The following AANAT variants were observed in gnomAD, a reference collection of about 807,000 sequenced individuals.
AANAT encodes serotonin N-acetyltransferase.
AANAT carries 11 observed loss-of-function variants against 15.6 expected under a neutral mutation model. The ratio of observed to expected loss-of-function variants is 0.71; its 90% confidence interval spans 0.44 to 1.17. The LOEUF is 1.17. Among genes scored for constraint, AANAT ranks in the 50% most tolerant of loss-of-function variants. AANAT has a pLI of 0.00. For missense variants in AANAT, 286 were observed against 296.3 expected (o/e 0.97, Z 0.26); for synonymous variants, 139 against 131.5 (o/e 1.06, Z -0.39).
At chr17:76,467,565 G>A (rs1049264833), upstream of AANAT, 2 of 985,386 alleles carry the variant, frequency 2.0e-6, no homozygotes, top group Middle Eastern at 5.2e-4. Context: ...TGGGGTGGGG[G>A]GATTACAAAC....
upstream of AANAT, among the ~76,000 whole-genome samples, chr17:76,467,298 G>C (rs561826779): frequency 4.2e-4 from 64 of 152,260 alleles, no homozygotes; most frequent in East Asian, 0.012. Context: ...CCCCACATAA[G>C]AGGTGGGCTT....
chr17:76,465,745 A>G (rs970617118), upstream of AANAT: 3 of 234,646 alleles, frequency 1.3e-5, no homozygotes, highest in Non-Finnish European at 2.6e-5. Context: ...GACCAGGACA[A>G]AGGTCCCAGC....
In AANAT at chr17:76,468,707, T is replaced by A; in HGVS notation, c.-40T>A. On this transcript the variant is annotated 5_prime_UTR_variant, in exon 2 of 4. Coordinates refer to ENST00000392492, the MANE Select transcript of AANAT (RefSeq NM_001088.3). Reference sequence around the variant, plus strand: ...GCCCTCCTTGGCTTAGGAGGACACTTCCAAAGCTGGGGCGCCCCAAGGAGG... The same window carrying A: ...GCCCTCCTTGGCTTAGGAGGACACTACCAAAGCTGGGGCGCCCCAAGGAGG... The A allele has an allele frequency of 6.3e-7, 1 of 1,584,758 alleles. No individual in the cohort carries two copies. Among genetic ancestry groups the A allele is most frequent in the Non-Finnish European group, 8.6e-7 (1 of 1,167,960 alleles).
In AANAT at chr17:76,470,029, G is replaced by C. The variant is rs1044900227; in HGVS notation, c.*59G>C. 2 of 1,413,752 alleles carry C rather than the reference G, an allele frequency of 1.4e-6. No individual in the cohort carries two copies. Among genetic ancestry groups the C allele is most frequent in the Non-Finnish European group, 1.9e-6 (2 of 1,072,156 alleles). 87.6% of individuals were successfully genotyped at this position (1,413,752 alleles called of 1,614,324 possible). A position where few individuals can be genotyped will look rare whatever the true frequency, so the allele number is the denominator to read the frequency against. On this transcript the variant is annotated 3_prime_UTR_variant, in exon 4 of 4. Transcript: ENST00000392492. ...CCGTCTCTGCCCTGGGCTCCTCTTA[G>C]CTCAGCTGAGCATGGAGACAGCAGT... is the stretch of plus-strand genomic sequence containing the variant.
intron 2 of AANAT, among the ~76,000 whole-genome samples, chr17:76,461,604 C>G (rs952320314): frequency 8.1e-5 from 6 of 74,144 alleles, no homozygotes; most frequent in Non-Finnish European, 1.5e-4. Context: ...TGAGCCTCCA[C>G]CAAAAAAAAA....
upstream of AANAT, chr17:76,467,485 C>T (rs913254989): frequency 4.2e-6 from 4 of 960,154 alleles, no homozygotes; most frequent in South Asian, 1.4e-4. Context: ...TGACGTTTCC[C>T]TTCAGCAAGG....
In AANAT at chr17:76,460,130, A is replaced by ATTTTTTTTTTTTT. The variant is rs556197358; in HGVS notation, c.-456+788_-456+800dup. On this transcript the variant is annotated intron_variant, in intron 2 of 6. Coordinates refer to the AANAT transcript ENST00000250615. Reference sequence around the variant, plus strand: ...CAGCCTCAGTCACCTACTTCAGGAAATTTTTTTTTTTTTTTTTTTTTTTTT... The same window carrying ATTTTTTTTTTTTT: ...CAGCCTCAGTCACCTACTTCAGGAAATTTTTTTTTTTTTTTTTTTTTTTTTTTTTTTTTTTTTT... 3.2e-4 allele frequency among the ~76,000 whole-genome samples: 28 copies of ATTTTTTTTTTTTT among 88,010 alleles called. 4 individuals are homozygous for ATTTTTTTTTTTTT. Among genetic ancestry groups the ATTTTTTTTTTTTT allele is most frequent in the East Asian group, 8.8e-4 (2 of 2,274 alleles). 57.7% of individuals were successfully genotyped at this position (88,010 alleles called of 152,430 possible).
upstream of AANAT, among the ~76,000 whole-genome samples, chr17:76,467,150 G>A (rs1349627856): frequency 2.6e-5 from 4 of 152,158 alleles, no homozygotes; most frequent in African/African-American, 4.8e-5. Flanking sequence ...GTCAATAGCA[G>A]AGAGCTTTGT....
At position 76,469,305 on chromosome 17, in the gene AANAT, G is replaced by A; in HGVS notation, c.296G>A (p.Trp99Ter). The A allele has an allele frequency of 1.9e-6, 3 of 1,614,024 alleles. No homozygotes were observed. The highest frequency in any genetic ancestry group is 2.5e-6 in the Non-Finnish European group (3 of 1,180,014). ...GTGGCCTTCATCATCGGCTCGCTCT[G>A]GGACAAGGAGAGACTCATGCAGGTG... ...CLVAFIIGSL[W>*]DKERLMQESL... The change falls in exon 3 of 4, where the codon TGG becomes TAG. Residue 99 changes from tryptophan (W) to a stop codon, truncating the protein, a stop_gained. Coordinates refer to ENST00000392492, the MANE Select transcript of AANAT (RefSeq NM_001088.3). LOFTEE classifies it high-confidence loss of function. The surrounding 1 kb of genome is among the most constrained non-coding windows in gnomAD (Gnocchi z 5.2).
At chr17:76,453,826 A>G (rs1176492610) in intron 1 of AANAT, 5 of 152,272 alleles carry the variant, frequency 3.3e-5, no homozygotes, top group Non-Finnish European at 7.3e-5. Flanking sequence ...CTACAAATCC[A>G]TGCAGATAAA....
rs558274515 is a variant in AANAT, at chr17:76,468,565, G to T, written c.-75-107G>T. The T allele has an allele frequency of 1.6e-5, 16 of 985,502 alleles. No individual in the cohort carries two copies. The East Asian group carries it at 4.2e-4, about 26-fold the overall frequency. 61.0% of individuals were successfully genotyped at this position (985,502 alleles called of 1,614,324 possible). A position where few individuals can be genotyped will look rare whatever the true frequency, so the allele number is the denominator to read the frequency against. ...GGGGAATGTGCCCATTGATTTAGGG[G>T]CTGTCTCCACCCCAGTTCCTGCTAC... On this transcript the variant is annotated intron_variant, in intron 1 of 3. Coordinates refer to ENST00000392492, the MANE Select transcript of AANAT (RefSeq NM_001088.3).
intron 2 of AANAT, among the ~76,000 whole-genome samples, chr17:76,461,697 G>A (rs367788678): frequency 6.6e-6 from 1 of 151,364 alleles, no homozygotes; most frequent in African/African-American, 2.4e-5. Context: ...CATCTCAGGT[G>A]TCTGAGAGGT....
upstream of AANAT, chr17:76,465,971 T>C (rs904998462): frequency 1.6e-5 from 9 of 579,970 alleles, no homozygotes; most frequent in Admixed American, 2.5e-5. Context: ...CGTCTCTGTC[T>C]CCCAAAGTGC....
upstream of AANAT, chr17:76,466,193 G>T (rs1598638983): frequency 6.5e-7 from 1 of 1,536,810 alleles, no homozygotes. Context: ...AGTCTATGAA[G>T]GGACAGAAGA....
chr17:76,455,126 C>CA (rs35450208), intron 1 of AANAT, among the ~76,000 whole-genome samples: 1 of 151,258 alleles, frequency 6.6e-6, no homozygotes, highest in East Asian at 1.9e-4. Context: ...GATTCCGTCT[C>CA]AAAAAAAAGT....
Position 76,469,885 on chromosome 17 carries a change from C to T in AANAT, c.539C>T (p.Ala180Val), listed in dbSNP as rs1391631161. 3.2e-6 allele frequency: 5 copies of T among 1,581,952 alleles called. No individual in the cohort carries two copies. The highest frequency in any genetic ancestry group is 3.4e-6 in the Non-Finnish European group (4 of 1,165,392). ...AGCTTCCACGCCGTGGGCCCCTGCGCCATCACCGTGGGCTCCCTCACCTTC... is the reference window on the plus strand; with the variant it reads ...AGCTTCCACGCCGTGGGCCCCTGCGTCATCACCGTGGGCTCCCTCACCTTC... ...RFSFHAVGPCAITVGSLTFME... is the reference protein window; with the variant it reads ...RFSFHAVGPCVITVGSLTFME... Residue 180 changes from alanine (A) to valine (V), a missense_variant, in exon 4 of 4, where the codon GCC (alanine) becomes GTC (valine). Coordinates refer to ENST00000392492, the MANE Select transcript of AANAT (RefSeq NM_001088.3). This position sits in a 1 kb window ranked among gnomAD's most constrained non-coding sequence, Gnocchi z 5.2.
chr17:76,465,065 G>A (rs2143972327), upstream of AANAT, among the ~76,000 whole-genome samples: 1 of 152,218 alleles, frequency 6.6e-6, no homozygotes. Flanking sequence ...CCAAAGTGCT[G>A]GGATTACAGG....
Position 76,469,445 on chromosome 17 carries a change from G to A in AANAT, c.318+118G>A. The A allele has an allele frequency of 7.0e-7, 1 of 1,421,268 alleles. No individual in the cohort carries two copies. Among genetic ancestry groups the A allele is most frequent in the South Asian group, 1.3e-5 (1 of 76,076 alleles). The allele number at this position is 1,421,268 out of a possible 1,614,324, so 88.0% of individuals were successfully genotyped here. ...TCTTCCTCCAGAACTGGAGAGATGA[G>A]TACAGGCCACAGGCCCCTCCCAGAG... On this transcript the variant is annotated intron_variant, in intron 3 of 3. Coordinates refer to ENST00000392492, the MANE Select transcript of AANAT (RefSeq NM_001088.3). The surrounding 1 kb of genome is among the most constrained non-coding windows in gnomAD (Gnocchi z 5.2).
rs1311307353 is a variant in AANAT, at chr17:76,469,961, C to T, written c.615C>T (p.Ser205=). Residue 205 remains serine (S), a synonymous_variant, in exon 4 of 4, where the codon AGC becomes AGT. Transcript: ENST00000392492. This position sits in a 1 kb window ranked among gnomAD's most constrained non-coding sequence, Gnocchi z 5.2. ...LRGHPFLRRN[S]GC ...GCCACCCCTTCCTGCGCAGGAACAG[C>T]GGCTGCTGAACTGGGCTGCCCACCT... 21 of 1,491,058 alleles carry T rather than the reference C, an allele frequency of 1.4e-5. No homozygotes were observed. The highest frequency in any genetic ancestry group is 5.6e-5 in the African/African-American group (4 of 71,558). The allele number at this position is 1,491,058 out of a possible 1,614,324, so 92.4% of individuals were successfully genotyped here. A position where few individuals can be genotyped will look rare whatever the true frequency, so the allele number is the denominator to read the frequency against.
Sources: allele counts gnomAD v4.1 joint callset (sites outside exome capture counted in the v4.1 genomes callset), GRCh38; gene constraint gnomAD v4.1.1; non-coding constraint Gnocchi (gnomAD v3.1); transcripts MANE v1.5; gene names NCBI Gene and HGNC (gene_info 2026-07-23, HGNC 2026-07-21).